SLC44A1: variants seen among roughly 807,000 people sequenced by gnomAD.
SLC44A1 encodes the protein solute carrier family 44 member 1, also known as choline transporter-like protein 1.
SLC44A1 carries 26 observed loss-of-function variants against 79.3 expected under a neutral mutation model. That is an observed-to-expected ratio of 0.33 (90% CI 0.24 to 0.46). The LOEUF (loss-of-function observed/expected upper bound fraction) is 0.46, where lower values mean the gene tolerates loss of function less well. SLC44A1 is among the 20% of genes least tolerant of loss of function. SLC44A1 has a pLI of 1.00. For missense variants in SLC44A1, 688 were observed against 798.1 expected, an observed-to-expected ratio of 0.86 and a Z score of 1.66; for synonymous variants, 263 against 286.2, an observed-to-expected ratio of 0.92 and a Z score of 0.82.
chr9:105,396,140 A>G lies in SLC44A1; in HGVS notation c.*7084A>G. 6 of 985,346 alleles carry G rather than the reference A, an allele frequency of 6.1e-6. No homozygotes were observed. The highest frequency in any genetic ancestry group is 6.0e-6 in the Non-Finnish European group (5 of 829,908). 61.0% of individuals were successfully genotyped at this position (985,346 alleles called of 1,614,324 possible). ...TCTTCTGCTGTGTTGCCTTAATGCT[A>G]CTAGATTGTGTTGTGTTGTTGGAGT... On this transcript the variant is annotated 3_prime_UTR_variant, in exon 16 of 16. Coordinates refer to ENST00000374720, the MANE Select transcript of SLC44A1 (RefSeq NM_080546.5).
chr9:105,349,276 A>G (rs932124774), intron 5 of SLC44A1, among the ~76,000 whole-genome samples: 1 of 152,178 alleles, frequency 6.6e-6, no homozygotes, highest in Non-Finnish European at 1.5e-5. Context: ...CAACTTCTCC[A>G]GGAAAATGTA....
rs569450109 is a variant in SLC44A1, at chr9:105,316,865, A to G, written c.269+6999A>G. On this transcript the variant is annotated intron_variant, in intron 3 of 15. Transcript: ENST00000374720. Reference sequence around the variant, plus strand: ...ACCATAAAGTAAGAAGCTTTAAACAATGAAGTTCTGTAAATCGGAAACTGA... The same window carrying G: ...ACCATAAAGTAAGAAGCTTTAAACAGTGAAGTTCTGTAAATCGGAAACTGA... Among the ~76,000 whole-genome samples the G allele has an allele frequency of 4.3e-4, 65 of 152,362 alleles. 1 individual carries two copies. The highest frequency in any genetic ancestry group is 1.4e-3 in the African/African-American group (58 of 41,596).
chr9:105,342,181 A>T (rs1427501289), intron 4 of SLC44A1, among the ~76,000 whole-genome samples: 1 of 152,218 alleles, frequency 6.6e-6, no homozygotes, highest in African/African-American at 2.4e-5. Context: ...TCCATGGTCA[A>T]TTGCAGTCTG....
chr9:105,269,692 A>G (rs191560326), intron 1 of SLC44A1, among the ~76,000 whole-genome samples: 2 of 152,328 alleles, frequency 1.3e-5, no homozygotes, highest in African/African-American at 4.8e-5. Flanking sequence ...TTTTAAAACC[A>G]GGGATGCTGC....
At chr9:105,422,890 C>G (rs1032464237) in intron 15 of SLC44A1, among the ~76,000 whole-genome samples, 2 of 152,168 alleles carry the variant, frequency 1.3e-5, no homozygotes, top group African/African-American at 4.8e-5. Context: ...ATATCCAAGT[C>G]ACTCATGTTA....
At chr9:105,329,127 C>G (rs1826672200) in intron 3 of SLC44A1, among the ~76,000 whole-genome samples, 2 of 152,192 alleles carry the variant, frequency 1.3e-5, no homozygotes, top group Non-Finnish European at 2.9e-5. Context: ...AATAGCAAGC[C>G]TCCGCTAGGC....
intron 13 of SLC44A1, among the ~76,000 whole-genome samples, chr9:105,380,594 T>TTA (rs1012862985): frequency 2.6e-5 from 4 of 151,690 alleles, no homozygotes; most frequent in Admixed American, 6.6e-5. Context: ...ATGTAAATAT[T>TTA]TATATATATA....
At chr9:105,258,805 A>G (rs1829772698) in intron 1 of SLC44A1, among the ~76,000 whole-genome samples, 1 of 152,008 alleles carries the variant, frequency 6.6e-6, no homozygotes, top group Non-Finnish European at 1.5e-5. Flanking sequence ...CTCATGCCTC[A>G]GCCTCCCAAG....
intron 15 of SLC44A1, among the ~76,000 whole-genome samples, chr9:105,435,471 T>A (rs1002629402): frequency 1.3e-5 from 2 of 151,940 alleles, no homozygotes; most frequent in African/African-American, 4.8e-5. Flanking sequence ...GGGAAGAATG[T>A]CACAAGGTGC....
intron 4 of SLC44A1, among the ~76,000 whole-genome samples, chr9:105,339,071 A>C (rs1421554844): frequency 6.6e-6 from 1 of 152,244 alleles, no homozygotes; most frequent in African/African-American, 2.4e-5. Flanking sequence ...CACCAAAAGC[A>C]CAGGCAACAA....
Position 105,358,428 on chromosome 9 carries a change from C to T in SLC44A1, c.755C>T (p.Ser252Leu). 6.4e-7 allele frequency: 1 copy of T among 1,556,308 alleles called. No individual in the cohort carries two copies. The highest frequency in any genetic ancestry group is 8.9e-7 in the Non-Finnish European group (1 of 1,128,288). Reference protein sequence around the residue: ...WILTILVILGSLGGTGVLWWL... With the variant: ...WILTILVILGLLGGTGVLWWL... ...TTAACGATTCTGGTCATACTCGGTTCACTTGGTAAGCTATTTATTTCTTTG... is the reference window on the plus strand; with the variant it reads ...TTAACGATTCTGGTCATACTCGGTTTACTTGGTAAGCTATTTATTTCTTTG... The change falls in exon 7 of 16, where the codon TCA (serine) becomes TTA (leucine). Residue 252 changes from serine to leucine, a missense_variant. Ser to Leu is a moderately radical substitution (Grantham distance 145, BLOSUM62 -2). Coordinates refer to ENST00000374720, the MANE Select transcript of SLC44A1 (RefSeq NM_080546.5).
At chr9:105,363,851 T>G (rs1396518483) in intron 9 of SLC44A1, among the ~76,000 whole-genome samples, 1 of 152,244 alleles carries the variant, frequency 6.6e-6, no homozygotes, top group Non-Finnish European at 1.5e-5. Flanking sequence ...GAAATGATCA[T>G]GAATTTGAAG....
chr9:105,265,887 G>A (rs1258485118), intron 1 of SLC44A1, among the ~76,000 whole-genome samples: 6 of 152,018 alleles, frequency 3.9e-5, no homozygotes, highest in African/African-American at 7.2e-5. Context: ...ATCTTTTCAT[G>A]TACTTATTTA....
At chr9:105,300,155 C>T (rs556445181) in intron 2 of SLC44A1, among the ~76,000 whole-genome samples, 18 of 152,258 alleles carry the variant, frequency 1.2e-4, no homozygotes, top group African/African-American at 1.4e-4. Context: ...ACATCAAACT[C>T]AGAGATGGAA....
Position 105,314,895 on chromosome 9 carries a change from C to T in SLC44A1, c.269+5029C>T, listed in dbSNP as rs59060260. ...TTTAAAATGTATGTGCTAAAACAAT[C>T]CTTGAGATCATATTACAGGTGAAGA... On this transcript the variant is annotated intron_variant, in intron 3 of 15. Coordinates refer to ENST00000374720, the MANE Select transcript of SLC44A1 (RefSeq NM_080546.5). Among the ~76,000 whole-genome samples the T allele has an allele frequency of 1.2e-3, 181 of 152,330 alleles. 2 individuals carry two copies. The highest frequency in any genetic ancestry group is 9.3e-3 in the South Asian group (45 of 4,828).
chr9:105,258,969 T>C (rs1159832517), intron 1 of SLC44A1, among the ~76,000 whole-genome samples: 1 of 151,902 alleles, frequency 6.6e-6, no homozygotes, highest in African/African-American at 2.4e-5. Context: ...CCTCCCAAAA[T>C]GCTGGCATTA....
rs1828741173 is a variant in SLC44A1 at position 105,390,568 on chromosome 9, C to G, written c.*1512C>G. ...ATGGAAATGCATACAAGTAATGTCA[C>G]TAGGGCTTAATAAGCAGCCGTTTGC... On this transcript the variant is annotated 3_prime_UTR_variant, in exon 16 of 16. Transcript: ENST00000374720. 1.0e-6 allele frequency: 1 copy of G among 985,458 alleles called. No individual in the cohort carries two copies. Among genetic ancestry groups the G allele is most frequent in the Admixed American group, 6.2e-5 (1 of 16,226 alleles). The allele number at this position is 985,458 out of a possible 1,614,324, so 61.0% of individuals were successfully genotyped here.
chr9:105,353,467 C>T (rs1213173698), intron 5 of SLC44A1, among the ~76,000 whole-genome samples: 1 of 151,964 alleles, frequency 6.6e-6, no homozygotes, highest in African/African-American at 2.4e-5. Flanking sequence ...CATCCTGTTC[C>T]TGTATAATTT....
chr9:105,368,210 T>C (rs1303372473), intron 12 of SLC44A1, among the ~76,000 whole-genome samples: 1 of 152,060 alleles, frequency 6.6e-6, no homozygotes, highest in Non-Finnish European at 1.5e-5. Context: ...TTTTTTTTTT[T>C]TTACAGATTT....
Sources: allele counts gnomAD v4.1 joint callset (sites outside exome capture counted in the v4.1 genomes callset), GRCh38; gene constraint gnomAD v4.1.1; transcripts MANE v1.5; gene names NCBI Gene and HGNC (gene_info 2026-07-23, HGNC 2026-07-21).